Variants in ZFYVE27 observed in about 807,000 individuals in gnomAD.
ZFYVE27 encodes the protein zinc finger FYVE-type containing 27.
ZFYVE27 carries 36 observed loss-of-function variants against 52.8 expected under a neutral mutation model. The observed-to-expected ratio is 0.68, with a 90% CI of 0.52 to 0.90. The LOEUF is 0.90. Among genes scored for constraint, ZFYVE27 ranks in the 40% least tolerant of loss-of-function variants. ZFYVE27 has a pLI of 0.00. For synonymous variants in ZFYVE27, 223 were observed against 215.6 expected (o/e 1.03, Z -0.30); for missense variants, 450 against 527.2 (o/e 0.85, Z 1.43).
chr10:97,737,342 C>T (rs947853773), intron 1 of ZFYVE27, 21 bp downstream of exon 1: 5 of 152,438 alleles, frequency 3.3e-5, no homozygotes, highest in Non-Finnish European at 7.3e-5. Context: ...TGCCGTCCCC[C>T]CGCGTCCCAG....
intron 10 of ZFYVE27, among the ~76,000 whole-genome samples, chr10:97,756,619 C>T (rs564820112): frequency 2.0e-4 from 30 of 152,290 alleles, no homozygotes; most frequent in East Asian, 1.7e-3. Flanking sequence ...CCACTGTTGC[C>T]GGGCACTTGG....
chr10:97,743,308 G>A, intron 3 of ZFYVE27, 144 bp downstream of exon 3: 2 of 998,588 alleles, frequency 2.0e-6, no homozygotes, highest in Non-Finnish European at 3.1e-6. Flanking sequence ...GTCAGAAACA[G>A]CCTCCAGAGG....
chr10:97,748,723 A>T (rs1030521228), intron 5 of ZFYVE27, among the ~76,000 whole-genome samples: 2 of 152,194 alleles, frequency 1.3e-5, no homozygotes, highest in Non-Finnish European at 2.9e-5. Flanking sequence ...ACTTATCATT[A>T]TATTAAAGAT....
rs2049240436 is a variant in ZFYVE27, at chr10:97,759,864, T to C, written c.*564T>C. The C allele has an allele frequency of 5.8e-6, 1 of 171,528 alleles. No homozygotes were observed. The highest frequency in any genetic ancestry group is 2.4e-5 in the African/African-American group (1 of 42,508). 10.6% of individuals were successfully genotyped at this position (171,528 alleles called of 1,614,324 possible). On this transcript the variant is annotated 3_prime_UTR_variant, in exon 13 of 13. Coordinates refer to ENST00000684270, the MANE Select transcript of ZFYVE27 (RefSeq NM_001385875.1). The stretch of plus-strand genomic sequence containing the variant: ...GGTGTGGCCAGGCCTAACAAGACCA[T>C]GGGTGCTTCTAGAAACAGGGTTGAA...
At chr10:97,745,423 C>T (rs2044992738) in intron 4 of ZFYVE27, among the ~76,000 whole-genome samples, 1 of 152,038 alleles carries the variant, frequency 6.6e-6, no homozygotes, top group Non-Finnish European at 1.5e-5. Flanking sequence ...TTGTGATCCG[C>T]CCGCCTCGGC....
At position 97,750,425 on chromosome 10, in the gene ZFYVE27, G is replaced by A. The variant is rs2046619935; in HGVS notation, c.759G>A (p.Gly253=). The A allele has an allele frequency of 5.6e-6, 9 of 1,613,966 alleles. No individual in the cohort carries two copies. The highest frequency in any genetic ancestry group is 1.1e-5 in the South Asian group (1 of 91,078). ...GTCCTCCACCACCAGATGTTGGGGG[G>A]AAGGATGGTCTGATGGACAGCACGC... The part of the protein sequence containing the change: ...FESPPPPDVG[G]KDGLMDSTPA... Residue 253 remains glycine, a synonymous_variant, in exon 7 of 13, where the codon GGG becomes GGA. Transcript: ENST00000684270.
intron 10 of ZFYVE27, among the ~76,000 whole-genome samples, chr10:97,753,924 T>A (rs903389172): frequency 3.3e-5 from 5 of 152,190 alleles, no homozygotes; most frequent in African/African-American, 1.2e-4. Flanking sequence ...GGAAGGCAGC[T>A]TTGGAGAAGG....
chr10:97,758,151 A>G (rs963777311), intron 12 of ZFYVE27: 36 of 154,906 alleles, frequency 2.3e-4, no homozygotes, highest in Non-Finnish European at 8.6e-5. Flanking sequence ...TATTGTAAAT[A>G]AAAAACACAG....
intron 2 of ZFYVE27, among the ~76,000 whole-genome samples, chr10:97,740,992 G>A (rs922740565): frequency 1.3e-5 from 2 of 152,102 alleles, no homozygotes; most frequent in Admixed American, 6.5e-5. Flanking sequence ...TTCCAAAATG[G>A]GATTGGCTTT....
At chr10:97,748,569 AAAT>A (rs1431958754) in intron 5 of ZFYVE27, among the ~76,000 whole-genome samples, 6 of 152,188 alleles carry the variant, frequency 3.9e-5, no homozygotes, top group Non-Finnish European at 7.3e-5. Context: ...TGTGTGGTAA[AAAT>A]AATAATAGAA....
chr10:97,746,048 TA>T (rs1477044576), intron 4 of ZFYVE27, among the ~76,000 whole-genome samples: 5,165 of 111,116 alleles, frequency 0.046, 112 homozygotes, highest in Admixed American at 0.067. Flanking sequence ...TATATATATA[TA>T]TATTTTTTTT....
chr10:97,738,368 C>G, intron 1 of ZFYVE27, 109 bp from the exon 2 acceptor site: 1 of 1,218,266 alleles, frequency 8.2e-7, no homozygotes, highest in Non-Finnish European at 1.2e-6. Flanking sequence ...CTGAATAGTT[C>G]ACTTTCCCTT....
At position 97,750,430 on chromosome 10, in the gene ZFYVE27, A is replaced by G. The variant is rs775345962; in HGVS notation, c.764A>G (p.Asp255Gly). The change falls in exon 7 of 13, where the codon GAT becomes GGT. Residue 255 changes from aspartate to glycine, a missense_variant. Physicochemically the swap from Asp to Gly is moderately conservative, Grantham distance 94. Coordinates refer to ENST00000684270, the MANE Select transcript of ZFYVE27 (RefSeq NM_001385875.1). Reference sequence around the variant, plus strand: ...CCACCACCAGATGTTGGGGGGAAGGATGGTCTGATGGACAGCACGCCTGCC... The same window carrying G: ...CCACCACCAGATGTTGGGGGGAAGGGTGGTCTGATGGACAGCACGCCTGCC... ...SPPPPDVGGKDGLMDSTPALT... is the reference protein window; with the variant it reads ...SPPPPDVGGKGGLMDSTPALT... 2.0e-5 allele frequency: 32 copies of G among 1,613,976 alleles called. No homozygotes were observed. In the Admixed American group the frequency reaches 5.3e-4, roughly 27 times the overall value.
At chr10:97,753,456 A>G (rs557437539) in intron 10 of ZFYVE27, among the ~76,000 whole-genome samples, 2 of 152,322 alleles carry the variant, frequency 1.3e-5, no homozygotes, top group South Asian at 4.1e-4. Flanking sequence ...GGGAAATGCC[A>G]TCCCAGGACT....
At position 97,759,326 on chromosome 10, in the gene ZFYVE27, C is replaced by T. The variant is rs1270726910; in HGVS notation, c.*26C>T. 3.7e-6 allele frequency: 6 copies of T among 1,613,940 alleles called. No homozygotes were observed. Among genetic ancestry groups the T allele is most frequent in the Non-Finnish European group, 5.1e-6 (6 of 1,179,788 alleles). ...GAAGAGAGGCCAGGGTCCAACCAGG[C>T]ACCCGTCCTTGGGACCAGCAGTAGA... is the stretch of plus-strand genomic sequence containing the variant. On this transcript the variant is annotated 3_prime_UTR_variant, in exon 13 of 13. Transcript: ENST00000684270.
At chr10:97,759,191 A>G (rs1405136881) in intron 12 of ZFYVE27, 45 bp from the exon 13 acceptor site, 1 of 1,611,686 alleles carries the variant, frequency 6.2e-7, no homozygotes, top group South Asian at 1.1e-5. Context: ...GCCATGAACC[A>G]AAGGGCGCAA....
At chr10:97,740,900 T>A (rs1357615590) in intron 2 of ZFYVE27, among the ~76,000 whole-genome samples, 1 of 152,176 alleles carries the variant, frequency 6.6e-6, no homozygotes, top group Non-Finnish European at 1.5e-5. Flanking sequence ...TTGGGTCTCC[T>A]GGGACCAAAG....
At chr10:97,741,172 C>T (rs765258544) in intron 2 of ZFYVE27, among the ~76,000 whole-genome samples, 9 of 152,264 alleles carry the variant, frequency 5.9e-5, no homozygotes, top group South Asian at 2.1e-4. Flanking sequence ...TGGCAGTGTA[C>T]ATTAGTTCAA....
rs976922114 is a variant in ZFYVE27 at position 97,759,217 on chromosome 10, A to G, written c.1172-19A>G. 2.7e-5 allele frequency: 44 copies of G among 1,613,930 alleles called. No individual in the cohort carries two copies. Among genetic ancestry groups the G allele is most frequent in the Non-Finnish European group, 3.3e-5 (39 of 1,179,950 alleles). ...AAGGGCGCAAGGAAATGTCTCACCA[A>G]GTTCTTCCTCCTTTTCAGCCCCTGA... On this transcript the variant is annotated intron_variant, in intron 12 of 12. Transcript: ENST00000684270.
Sources: allele counts gnomAD v4.1 joint callset (sites outside exome capture counted in the v4.1 genomes callset), GRCh38; gene constraint gnomAD v4.1.1; transcripts MANE v1.5; gene names NCBI Gene and HGNC (gene_info 2026-07-23, HGNC 2026-07-21).